Variants in DOCK9 observed in about 807,000 individuals in gnomAD.
The protein encoded by DOCK9 is dedicator of cytokinesis 9.
A neutral mutation model predicts 263.3 loss-of-function variants in DOCK9; 89 were observed. The ratio of observed to expected loss-of-function variants is 0.34; its 90% CI spans 0.28 to 0.40. The LOEUF (loss-of-function observed/expected upper bound fraction) is 0.40, where lower values mean the gene tolerates loss of function less well. DOCK9 is among the 10% of genes least tolerant of loss of function. DOCK9 has a pLI of 1.00. For missense variants in DOCK9, 2,140 were observed against 2,603.4 expected (o/e 0.82, Z 3.87); for synonymous variants, 976 against 973.1 (o/e 1.00, Z -0.06).
rs1193182205 is a variant in DOCK9 at position 98,794,523 on chromosome 13, C to T, written c.*103G>A. On this transcript the variant is annotated 3_prime_UTR_variant, in exon 53 of 53. Coordinates refer to ENST00000682017, the MANE Select transcript of DOCK9 (RefSeq NM_001366683.2). ...TTTATTTCCTTTCTCTCCCCTTCCC[C>T]TTGGTCCTCCCTGTGCTCGGTCTCC... 7.9e-7 allele frequency: 1 copy of T among 1,270,434 alleles called. No individual in the cohort carries two copies. Among genetic ancestry groups the T allele is most frequent in the Non-Finnish European group, 1.1e-6 (1 of 929,214 alleles). The allele number at this position is 1,270,434 out of a possible 1,614,324, so 78.7% of individuals were successfully genotyped here.
intron 1 of DOCK9, among the ~76,000 whole-genome samples, chr13:99,018,093 T>G (rs1885647242): frequency 6.6e-6 from 1 of 152,180 alleles, no homozygotes. Context: ...ATTTCCTAAC[T>G]CATTCAAAGG....
At chr13:99,055,015 G>A (rs150207221) in intron 1 of DOCK9, among the ~76,000 whole-genome samples, 108 of 152,298 alleles carry the variant, frequency 7.1e-4, no homozygotes, top group African/African-American at 2.3e-3. Flanking sequence ...AAATGAAGCA[G>A]GGAAAGAATT....
intron 38 of DOCK9, chr13:98,845,290 C>T (rs751899306): frequency 7.5e-6 from 10 of 1,337,176 alleles, no homozygotes; most frequent in Non-Finnish European, 8.9e-6. Context: ...GCAAGTGAAG[C>T]AACCTCATAA....
upstream of DOCK9, among the ~76,000 whole-genome samples, chr13:98,979,640 T>A (rs1300006268): frequency 6.6e-6 from 1 of 152,094 alleles, no homozygotes; most frequent in Non-Finnish European, 1.5e-5. Flanking sequence ...AACTACCCAA[T>A]CTCTCAACCT....
intron 1 of DOCK9, among the ~76,000 whole-genome samples, chr13:99,008,234 A>ATATTTTTT (rs1233268084): frequency 4.3e-4 from 40 of 94,034 alleles, no homozygotes; most frequent in African/African-American, 1.5e-3. Flanking sequence ...ATATATATAT[A>ATATTTTTT]TTTTTTTTTT....
intron 1 of DOCK9, among the ~76,000 whole-genome samples, chr13:99,079,251 T>G (rs1280525198): frequency 6.6e-6 from 1 of 152,216 alleles, no homozygotes; most frequent in Non-Finnish European, 1.5e-5. Flanking sequence ...ACTGTTTGAC[T>G]TTTGTATGGT....
chr13:99,064,762 C>T (rs1014842684), intron 1 of DOCK9, among the ~76,000 whole-genome samples: 2 of 152,072 alleles, frequency 1.3e-5, no homozygotes, highest in East Asian at 1.9e-4. Flanking sequence ...GACAGCTGGT[C>T]GGGGGCCTCA....
chr13:98,920,891 A>G, intron 7 of DOCK9, 63 bp downstream of exon 7: 2 of 1,457,478 alleles, frequency 1.4e-6, no homozygotes, highest in Non-Finnish European at 1.8e-6. Context: ...TAAATCTGCT[A>G]ATTTACACAT....
At chr13:98,999,597 A>G (rs910810804) in intron 1 of DOCK9, among the ~76,000 whole-genome samples, 4 of 149,618 alleles carry the variant, frequency 2.7e-5, no homozygotes, top group Non-Finnish European at 5.9e-5. Context: ...CTTTCTTTTC[A>G]TGTTTCTTTT....
chr13:98,989,525 T>C (rs1235937836), intron 1 of DOCK9, among the ~76,000 whole-genome samples: 1 of 152,052 alleles, frequency 6.6e-6, no homozygotes, highest in Non-Finnish European at 1.5e-5. Flanking sequence ...CTGATCTTAA[T>C]ATAACTTAAG....
intron 5 of DOCK9, 26 bp from the exon 6 acceptor site, chr13:98,922,172 G>A (rs1178487160): frequency 6.5e-7 from 1 of 1,531,988 alleles, no homozygotes; most frequent in African/African-American, 1.4e-5. Context: ...AACACCAGCA[G>A]TCAACCTCCC....
intron 1 of DOCK9, among the ~76,000 whole-genome samples, chr13:99,008,400 A>T (rs1326923955): frequency 1.3e-5 from 2 of 151,568 alleles, no homozygotes; most frequent in Non-Finnish European, 2.9e-5. Context: ...CACCCAGCTA[A>T]TTTTTGTATT....
At chr13:98,844,891 A>G (rs1337853281) in intron 38 of DOCK9, among the ~76,000 whole-genome samples, 1 of 152,226 alleles carries the variant, frequency 6.6e-6, no homozygotes, top group Admixed American at 6.5e-5. Context: ...ATTATTAGAC[A>G]TGATGGAAGG....
intron 46 of DOCK9, 150 bp from the exon 47 acceptor site, chr13:98,809,615 T>C: frequency 1.5e-6 from 1 of 649,472 alleles, no homozygotes; most frequent in East Asian, 2.8e-5. Flanking sequence ...GTAGTGATCA[T>C]TAATGAATGG....
upstream of DOCK9, among the ~76,000 whole-genome samples, chr13:98,983,004 C>G (rs901230846): frequency 6.6e-6 from 1 of 152,044 alleles, no homozygotes; most frequent in African/African-American, 2.4e-5. Context: ...TAGCTAATAA[C>G]CATCTGAGGA....
chr13:98,937,274 C>T (rs1006436702), intron 2 of DOCK9, among the ~76,000 whole-genome samples: 4 of 152,110 alleles, frequency 2.6e-5, no homozygotes, highest in African/African-American at 9.7e-5. Flanking sequence ...CTAAACATTG[C>T]TAGCATCTCA....
At chr13:98,919,118 T>C (rs545082012) in intron 7 of DOCK9, among the ~76,000 whole-genome samples, 99 of 149,532 alleles carry the variant, frequency 6.6e-4, no homozygotes, top group African/African-American at 2.3e-3. Context: ...CTGTTTCTCT[T>C]TTTTTTTTTG....
chr13:98,874,990 G>A (rs542025758), intron 27 of DOCK9, among the ~76,000 whole-genome samples: 1 of 152,230 alleles, frequency 6.6e-6, no homozygotes, highest in East Asian at 1.9e-4. Flanking sequence ...ACCTGGGCCT[G>A]AGCTATTTCC....
intron 30 of DOCK9, 96 bp from the exon 31 acceptor site, chr13:98,863,644 C>A: frequency 7.6e-7 from 1 of 1,320,412 alleles, no homozygotes; most frequent in Admixed American, 2.6e-5. Context: ...AAGACCCATC[C>A]TCTGCATTCA....
Sources: allele counts gnomAD v4.1 joint callset (sites outside exome capture counted in the v4.1 genomes callset), GRCh38; gene constraint gnomAD v4.1.1; transcripts MANE v1.5; gene names NCBI Gene and HGNC (gene_info 2026-07-23, HGNC 2026-07-21).